ATP2A2: variants seen among roughly 807,000 people sequenced by gnomAD.
The protein encoded by ATP2A2 is ATPase sarcoplasmic/endoplasmic reticulum Ca2+ transporting 2.
Under a neutral mutation model 109.3 loss-of-function variants are expected in ATP2A2, and 14 were observed. That is an observed-to-expected ratio of 0.13 (90% CI 0.08 to 0.20). The LOEUF (loss-of-function observed/expected upper bound fraction) is 0.20. ATP2A2 is among the 10% of genes least tolerant of loss of function. ATP2A2 has a pLI of 1.00. For missense variants in ATP2A2, 657 were observed against 1,321.6 expected, an observed-to-expected ratio of 0.50 and a Z score of 7.80; for synonymous variants, 506 against 490.9, an observed-to-expected ratio of 1.03 and a Z score of -0.41.
intron 5 of ATP2A2, among the ~76,000 whole-genome samples, chr12:110,320,185 C>G (rs1411478698): frequency 6.6e-6 from 1 of 152,088 alleles, no homozygotes; most frequent in African/African-American, 2.4e-5. Context: ...CTTTTGTATC[C>G]TCTTGTAGGT....
At chr12:110,300,643 C>CT (rs537191134) in intron 5 of ATP2A2, among the ~76,000 whole-genome samples, 13,523 of 131,148 alleles carry the variant, frequency 0.1, 844 homozygotes, top group African/African-American at 0.16. Context: ...CATGCCCGGC[C>CT]TTTTTTTTTT....
chr12:110,301,438 T>C (rs1874628590), intron 5 of ATP2A2, among the ~76,000 whole-genome samples: 1 of 152,198 alleles, frequency 6.6e-6, no homozygotes, highest in Non-Finnish European at 1.5e-5. Context: ...TAATTAACTG[T>C]GAGAAACTTG....
chr12:110,293,991 C>G (rs1414780544), intron 4 of ATP2A2, among the ~76,000 whole-genome samples: 1 of 150,362 alleles, frequency 6.7e-6, no homozygotes. Flanking sequence ...ATTCTCCTGC[C>G]TCAGCTTCCC....
At chr12:110,317,943 T>G (rs1381325887) in intron 5 of ATP2A2, among the ~76,000 whole-genome samples, 2 of 152,176 alleles carry the variant, frequency 1.3e-5, no homozygotes, top group African/African-American at 2.4e-5. Flanking sequence ...GGAAGGTAAT[T>G]CAGAGTTTAT....
At chr12:110,317,260 G>C (rs941155427) in intron 5 of ATP2A2, among the ~76,000 whole-genome samples, 2 of 152,210 alleles carry the variant, frequency 1.3e-5, no homozygotes, top group Admixed American at 6.5e-5. Context: ...AACAACAGTG[G>C]CATTTAGAAG....
intron 9 of ATP2A2, 32 bp from the exon 10 acceptor site, chr12:110,333,149 C>T: frequency 6.4e-7 from 1 of 1,570,726 alleles, no homozygotes; most frequent in Non-Finnish European, 8.8e-7. Flanking sequence ...GGCGACCATA[C>T]CCTGCTCTAA....
Position 110,327,162 on chromosome 12 carries a change from T to A in ATP2A2, c.631-391T>A, listed in dbSNP as rs1877889942. ...GTCACATGAGTAGGGGTTGTCAAGA[T>A]AGCCCATGGGGCTAGTTGCCGTTTC... On this transcript the variant is annotated intron_variant, in intron 7 of 19. Transcript: ENST00000539276. This position sits in a 1 kb window ranked among gnomAD's most constrained non-coding sequence, Gnocchi z 4.4. Among the ~76,000 whole-genome samples the A allele has an allele frequency of 6.6e-6, 1 of 152,196 alleles. No homozygotes were observed. The highest frequency in any genetic ancestry group is 2.1e-4 in the South Asian group (1 of 4,834).
chr12:110,319,223 GAAAAAAAA>G (rs59623372), intron 5 of ATP2A2, among the ~76,000 whole-genome samples: 3 of 63,452 alleles, frequency 4.7e-5, no homozygotes, highest in South Asian at 5.9e-4. Context: ...AATAAAAAAT[GAAAAAAAA>G]AAAAAAAAAA....
chr12:110,316,486 A>G (rs1191633600), intron 5 of ATP2A2, among the ~76,000 whole-genome samples: 1 of 152,216 alleles, frequency 6.6e-6, no homozygotes, highest in Non-Finnish European at 1.5e-5. Flanking sequence ...ATGTTCTTCA[A>G]CTTGGTAATT....
At position 110,281,642 on chromosome 12, in the gene ATP2A2, C is replaced by A; in HGVS notation, c.-148C>A. 2.2e-6 allele frequency: 1 copy of A among 453,246 alleles called. No homozygotes were observed. Among genetic ancestry groups the A allele is most frequent in the East Asian group, 4.1e-5 (1 of 24,688 alleles). 28.1% of individuals were successfully genotyped at this position (453,246 alleles called of 1,614,324 possible). Reference sequence around the variant, plus strand: ...AGGGGGCGCGGGGTGATTCAGCGCCCGGCGAGGCGGAAGCGGCCGCAAGAG... The same window carrying A: ...AGGGGGCGCGGGGTGATTCAGCGCCAGGCGAGGCGGAAGCGGCCGCAAGAG... On this transcript the variant is annotated 5_prime_UTR_variant, in exon 1 of 20. Transcript: ENST00000539276.
At chr12:110,333,706 A>C (rs993610001) in intron 10 of ATP2A2, among the ~76,000 whole-genome samples, 13 of 152,208 alleles carry the variant, frequency 8.5e-5, no homozygotes, top group African/African-American at 3.1e-4. Flanking sequence ...ATGTGAAGGC[A>C]CTCTTTGAAT....
intron 5 of ATP2A2, among the ~76,000 whole-genome samples, chr12:110,309,318 C>T (rs563294911): frequency 4.6e-5 from 7 of 151,510 alleles, no homozygotes; most frequent in African/African-American, 7.3e-5. Context: ...CCACCACACC[C>T]GGCTAATTTT....
In ATP2A2 at chr12:110,342,370, A is replaced by AG; in HGVS notation, c.2242dup (p.Glu748GlyfsTer65). The AG allele has an allele frequency of 6.2e-7, 1 of 1,614,190 alleles. No homozygotes were observed. Among genetic ancestry groups the AG allele is most frequent in the Non-Finnish European group, 8.5e-7 (1 of 1,180,038 alleles). On this transcript the variant is annotated frameshift_variant, in exon 15 of 20. Transcript: ENST00000539276. LOFTEE classifies it high-confidence loss of function. This position sits in a 1 kb window ranked among gnomAD's most constrained non-coding sequence, Gnocchi z 4.6. ...TTCTCCACCATTGTGGCTGCCGTTGAGGAGGGGCGGGCAATCTACAACAAC... is the reference window on the plus strand; with the variant it reads ...TTCTCCACCATTGTGGCTGCCGTTGAGGGAGGGGCGGGCAATCTACAACAAC...
chr12:110,343,446 T>C lies in ATP2A2; in HGVS notation c.2521+12T>C, dbSNP rs1313545333. ...CTTGGCTATTGGCTGTGAGTACAAT[T>C]TTTTTATATTACTGATTTTTAAACA... On this transcript the variant is annotated intron_variant, in intron 16 of 19. Coordinates refer to ENST00000539276, the MANE Select transcript of ATP2A2 (RefSeq NM_170665.4). The C allele has an allele frequency of 1.9e-6, 3 of 1,612,972 alleles. No individual in the cohort carries two copies. The highest frequency in any genetic ancestry group is 1.7e-6 in the Non-Finnish European group (2 of 1,178,912).
chr12:110,320,047 G>A (rs562144170), intron 5 of ATP2A2, among the ~76,000 whole-genome samples: 7 of 152,082 alleles, frequency 4.6e-5, no homozygotes, highest in Non-Finnish European at 7.4e-5. Flanking sequence ...TACTCAACCT[G>A]TAATATGTTG....
intron 5 of ATP2A2, among the ~76,000 whole-genome samples, chr12:110,320,998 C>A (rs1877185723): frequency 6.6e-6 from 1 of 152,172 alleles, no homozygotes; most frequent in African/African-American, 2.4e-5. Context: ...GGAGGCAAGG[C>A]AGGTGGATGC....
At chr12:110,303,342 T>A (rs1024641918) in intron 5 of ATP2A2, among the ~76,000 whole-genome samples, 2 of 152,048 alleles carry the variant, frequency 1.3e-5, no homozygotes, top group Non-Finnish European at 2.9e-5. Flanking sequence ...ATTCTCCTGC[T>A]TCAGTCTCCC....
At position 110,349,595 on chromosome 12, in the gene ATP2A2, C is replaced by T; in HGVS notation, c.*3125C>T. ...CTCACAACAGCTGCTCCCACATCCC[C>T]TCGGACTGGAGCTTCAGCCCTGACT... On this transcript the variant is annotated 3_prime_UTR_variant, in exon 20 of 20. Coordinates refer to ENST00000539276, the MANE Select transcript of ATP2A2 (RefSeq NM_170665.4). 2 of 986,586 alleles carry T rather than the reference C, an allele frequency of 2.0e-6. No individual in the cohort carries two copies. The highest frequency in any genetic ancestry group is 2.4e-6 in the Non-Finnish European group (2 of 830,702). 61.1% of individuals were successfully genotyped at this position (986,586 alleles called of 1,614,324 possible). A position where few individuals can be genotyped will look rare whatever the true frequency, so the allele number is the denominator to read the frequency against.
intron 5 of ATP2A2, among the ~76,000 whole-genome samples, chr12:110,314,281 T>C (rs1348485634): frequency 6.6e-6 from 1 of 150,574 alleles, no homozygotes; most frequent in African/African-American, 2.5e-5. Flanking sequence ...TGAGCTGATA[T>C]CGTGCCATTG....
Sources: gnomAD v4.1 joint callset for allele counts (sites outside exome capture counted in the v4.1 genomes callset) on GRCh38, gnomAD v4.1.1 for gene constraint, Gnocchi (gnomAD v3.1) non-coding constraint, MANE v1.5 for transcripts, NCBI Gene and HGNC (gene_info 2026-07-23, HGNC 2026-07-21) for gene names.